Variants in PDE11A observed in about 807,000 individuals in gnomAD.
The protein encoded by PDE11A is phosphodiesterase 11A.
A neutral mutation model predicts 100.5 loss-of-function variants in PDE11A; 100 were observed. The observed-to-expected ratio is 1.00, with a 90% CI of 0.85 to 1.18. PDE11A has a LOEUF of 1.18. Ranked by LOEUF, PDE11A falls within the 50% of genes most tolerant of loss-of-function variation. The pLI is 0.00. For missense variants in PDE11A, 1,141 were observed against 1,152.6 expected (o/e 0.99, Z 0.15); for synonymous variants, 381 against 420.8 (o/e 0.91, Z 1.16).
intron 10 of PDE11A, among the ~76,000 whole-genome samples, chr2:177,746,190 G>A (rs2081945176): frequency 6.6e-6 from 1 of 152,164 alleles, no homozygotes; most frequent in Admixed American, 6.5e-5. Context: ...CTAAAAATGA[G>A]ACTTTCTAAA....
Position 178,095,476 on chromosome 2 carries a change from G to A in PDE11A, c.162+8826C>T, listed in dbSNP as rs141493995. 1.1e-4 allele frequency among the ~76,000 whole-genome samples: 16 copies of A among 152,322 alleles called. No individual in the cohort carries two copies. The Middle Eastern group carries it at 0.01, about 97-fold the overall frequency. On this transcript the variant is annotated intron_variant, in intron 2 of 20. Transcript: ENST00000358450. Reference sequence around the variant, plus strand: ...CTGTGGCTTTGCAGGGTACAGCCCTGCTCCTGGCTGCTTTCACAGGCTGGC... The same window carrying A: ...CTGTGGCTTTGCAGGGTACAGCCCTACTCCTGGCTGCTTTCACAGGCTGGC...
At chr2:177,834,193 C>T (rs2083354260) in intron 6 of PDE11A, among the ~76,000 whole-genome samples, 1 of 152,190 alleles carries the variant, frequency 6.6e-6, no homozygotes. Context: ...GATTAGCTGA[C>T]CTAAGGAGCA....
At chr2:177,998,049 G>A (rs2086099213) in intron 2 of PDE11A, 3 of 1,278,398 alleles carry the variant, frequency 2.3e-6, no homozygotes, top group Non-Finnish European at 3.4e-6. Flanking sequence ...CCTGCTGAGT[G>A]CACTGTAAGA....
At position 177,722,627 on chromosome 2, in the gene PDE11A, A is replaced by G. The variant is rs1574079456; in HGVS notation, c.2043+5031T>C. On this transcript the variant is annotated intron_variant, in intron 12 of 19. Coordinates refer to ENST00000286063, the MANE Select transcript of PDE11A (RefSeq NM_016953.4). The stretch of plus-strand genomic sequence containing the variant: ...AATGATTAAAAGACAGGAGTCTTAA[A>G]TGTAATTTAAACACAGTATTCAAAT... 5.3e-5 allele frequency among the ~76,000 whole-genome samples: 8 copies of G among 152,192 alleles called. No individual in the cohort carries two copies. The South Asian group carries it at 1.7e-3, about 31-fold the overall frequency.
intron 3 of PDE11A, among the ~76,000 whole-genome samples, chr2:177,899,880 T>C (rs562498726): frequency 6.6e-6 from 1 of 151,500 alleles, no homozygotes; most frequent in African/African-American, 2.4e-5. Flanking sequence ...GATATTTATA[T>C]ATCAGGAAAG....
chr2:177,873,247 C>A (rs2084171881), intron 5 of PDE11A, among the ~76,000 whole-genome samples: 1 of 152,140 alleles, frequency 6.6e-6, no homozygotes, highest in African/African-American at 2.4e-5. Context: ...GTTTTAATAA[C>A]TACATAAAGC....
Position 177,875,927 on chromosome 2 carries a change from TCG to T in PDE11A, c.1303-6_1303-5del. 6.3e-7 allele frequency: 1 copy of T among 1,587,212 alleles called. No individual in the cohort carries two copies. Among genetic ancestry groups the T allele is most frequent in the Non-Finnish European group, 8.7e-7 (1 of 1,155,404 alleles). On this transcript the variant is annotated splice_region_variant and splice_polypyrimidine_tract_variant and intron_variant, in intron 4 of 19. Coordinates refer to ENST00000286063, the MANE Select transcript of PDE11A (RefSeq NM_016953.4). ...AGGATTTGGTAAATTTCACCACCTG[TCG>T]CATAGAAAGATAATAAATCCAGGTC...
intron 10 of PDE11A, among the ~76,000 whole-genome samples, chr2:177,736,975 T>G (rs2081793867): frequency 6.6e-6 from 1 of 152,110 alleles, no homozygotes; most frequent in Non-Finnish European, 1.5e-5. Flanking sequence ...GTGCGGTGGC[T>G]CACACCTGTA....
intron 2 of PDE11A, among the ~76,000 whole-genome samples, chr2:177,936,983 A>G (rs2085282888): frequency 6.6e-6 from 1 of 152,032 alleles, no homozygotes. Context: ...TCTTTTTGAT[A>G]CTTCTCGGAG....
intron 19 of PDE11A, among the ~76,000 whole-genome samples, chr2:177,650,932 C>A (rs534622098): frequency 3.3e-5 from 5 of 152,282 alleles, no homozygotes; most frequent in African/African-American, 1.2e-4. Flanking sequence ...ATACTAACAC[C>A]TGCACATACA....
chr2:177,986,518 T>C (rs1308461829), intron 2 of PDE11A, among the ~76,000 whole-genome samples: 1 of 152,142 alleles, frequency 6.6e-6, no homozygotes, highest in Non-Finnish European at 1.5e-5. Context: ...CTCTGGTCCT[T>C]GATTTTGTCT....
chr2:177,703,055 C>G (rs1298012315), intron 13 of PDE11A, among the ~76,000 whole-genome samples: 1 of 152,040 alleles, frequency 6.6e-6, no homozygotes, highest in African/African-American at 2.4e-5. Flanking sequence ...ATATGCATAT[C>G]ACATCCTAGA....
At chr2:178,011,825 T>C (rs931640000) in intron 2 of PDE11A, 5 of 152,164 alleles carry the variant, frequency 3.3e-5, no homozygotes, top group African/African-American at 4.8e-5. Context: ...GAGGAGAATA[T>C]TGTGGCCCAG....
chr2:177,846,559 A>G (rs1311824095), intron 5 of PDE11A, among the ~76,000 whole-genome samples: 1 of 152,162 alleles, frequency 6.6e-6, no homozygotes, highest in Non-Finnish European at 1.5e-5. Flanking sequence ...GGGAACTTTT[A>G]TTCAGTATGG....
At chr2:177,894,357 G>C (rs1005045368) in intron 4 of PDE11A, among the ~76,000 whole-genome samples, 3 of 152,084 alleles carry the variant, frequency 2.0e-5, no homozygotes, top group Non-Finnish European at 4.4e-5. Context: ...ACTGCTTCTG[G>C]AATAATACTG....
chr2:178,082,533 T>G (rs1037887612), intron 2 of PDE11A, among the ~76,000 whole-genome samples: 18 of 151,938 alleles, frequency 1.2e-4, no homozygotes, highest in Admixed American at 2.0e-4. Flanking sequence ...AACAGACACT[T>G]TGAGGGAAGG....
intron 15 of PDE11A, among the ~76,000 whole-genome samples, chr2:177,686,546 G>A (rs945440522): frequency 1.2e-4 from 19 of 152,148 alleles, no homozygotes; most frequent in Non-Finnish European, 2.5e-4. Context: ...CAGCCTGGGC[G>A]ACAGAGTGAG....
intron 1 of PDE11A, among the ~76,000 whole-genome samples, chr2:178,049,698 A>T (rs1050091917): frequency 2.6e-5 from 4 of 152,074 alleles, no homozygotes; most frequent in African/African-American, 7.2e-5. Context: ...ACACCAGGAG[A>T]TTACATCCCA....
intron 4 of PDE11A, among the ~76,000 whole-genome samples, chr2:177,885,240 A>G (rs2084411726): frequency 6.6e-6 from 1 of 150,894 alleles, no homozygotes; most frequent in South Asian, 2.1e-4. Context: ...AGTACTATAT[A>G]TGCACATTTT....
Sources: allele counts gnomAD v4.1 joint callset (sites outside exome capture counted in the v4.1 genomes callset), GRCh38; gene constraint gnomAD v4.1.1; transcripts MANE v1.5; gene names NCBI Gene and HGNC (gene_info 2026-07-23, HGNC 2026-07-21).